The following GUCY1A2 variants were observed in gnomAD, a reference collection of about 807,000 sequenced individuals.
The protein encoded by GUCY1A2 is guanylate cyclase soluble subunit alpha-2.
Under a neutral mutation model 63.5 loss-of-function variants are expected in GUCY1A2, and 27 were observed. The ratio of observed to expected loss-of-function variants is 0.43; its 90% CI spans 0.31 to 0.59. GUCY1A2 has a LOEUF of 0.59. GUCY1A2 is among the 20% of genes least tolerant of loss of function. The pLI is 0.11. For missense variants in GUCY1A2, 768 were observed against 913.3 expected, an observed-to-expected ratio of 0.84 and a Z score of 2.05; for synonymous variants, 364 against 343.5, an observed-to-expected ratio of 1.06 and a Z score of -0.66.
chr11:106,723,787 C>T (rs1466838040), intron 6 of GUCY1A2, among the ~76,000 whole-genome samples: 3 of 151,964 alleles, frequency 2.0e-5, no homozygotes, highest in South Asian at 4.2e-4. Flanking sequence ...CATGCTACTG[C>T]ACTTCCAGCC....
intron 7 of GUCY1A2, among the ~76,000 whole-genome samples, chr11:106,705,588 C>T (rs969961324): frequency 5.3e-5 from 8 of 152,082 alleles, no homozygotes; most frequent in Admixed American, 2.6e-4. Flanking sequence ...AGGCAGGGCG[C>T]AGTGGCTCAG....
intron 3 of GUCY1A2, among the ~76,000 whole-genome samples, chr11:106,956,962 G>C (rs1860993405): frequency 6.6e-6 from 1 of 152,128 alleles, no homozygotes. Flanking sequence ...TCTGAATTCT[G>C]TCCCCGAGCC....
rs71470827 is a variant in GUCY1A2 at position 106,698,119 on chromosome 11, A to ATTTTTTTTTTTTTTTTTTTTTTTTT, written c.1992-10364_1992-10363insAAAAAAAAAAAAAAAAAAAAAAAAA. Among the ~76,000 whole-genome samples, 154 of 100,448 alleles carry ATTTTTTTTTTTTTTTTTTTTTTTTT rather than the reference A, an allele frequency of 1.5e-3. 15 individuals carry two copies. The highest frequency in any genetic ancestry group is 1.9e-3 in the African/African-American group (42 of 21,788). 65.9% of individuals were successfully genotyped at this position (100,448 alleles called of 152,430 possible). ...TTTACAGCTTTCACTGAATGTTAGAATTTTTTTTTTTTTTTTTTTAGACAG... is the reference window on the plus strand; with the variant it reads ...TTTACAGCTTTCACTGAATGTTAGAATTTTTTTTTTTTTTTTTTTTTTTTTTTTTTTTTTTTTTTTTTTTAGACAG... On this transcript the variant is annotated intron_variant, in intron 7 of 7. Transcript: ENST00000526355.
intron 4 of GUCY1A2, among the ~76,000 whole-genome samples, chr11:106,857,619 C>A (rs1238043967): frequency 2.6e-5 from 4 of 152,142 alleles, no homozygotes; most frequent in Non-Finnish European, 4.4e-5. Flanking sequence ...TTTTCGAGAA[C>A]GTACAGTCAG....
intron 6 of GUCY1A2, among the ~76,000 whole-genome samples, chr11:106,769,992 T>G (rs1864228407): frequency 6.6e-6 from 1 of 152,054 alleles, no homozygotes; most frequent in Non-Finnish European, 1.5e-5. Context: ...GTTTCACATC[T>G]GCATGTTCAA....
At chr11:106,943,656 T>C (rs1171551396) in intron 3 of GUCY1A2, among the ~76,000 whole-genome samples, 4 of 152,314 alleles carry the variant, frequency 2.6e-5, no homozygotes, top group South Asian at 2.1e-4. Flanking sequence ...AGAATAAGCA[T>C]TGTTTCATAG....
At position 106,680,786 on chromosome 11, in the gene GUCY1A2, A is replaced by G. The variant is rs1862419747; in HGVS notation, c.*6763T>C. The G allele has an allele frequency of 4.8e-6, 1 of 207,904 alleles. No homozygotes were observed. The highest frequency in any genetic ancestry group is 1.9e-4 in the South Asian group (1 of 5,314). 12.9% of individuals were successfully genotyped at this position (207,904 alleles called of 1,614,324 possible). ...AGTAATAGAAAGGTAAAGACAAAATATCGAACACACCCACCATTCAAATGG... is the reference window on the plus strand; with the variant it reads ...AGTAATAGAAAGGTAAAGACAAAATGTCGAACACACCCACCATTCAAATGG... On this transcript the variant is annotated 3_prime_UTR_variant, in exon 8 of 8. Coordinates refer to ENST00000526355, the MANE Select transcript of GUCY1A2 (RefSeq NM_000855.3).
intron 4 of GUCY1A2, among the ~76,000 whole-genome samples, chr11:106,931,711 T>C (rs969584321): frequency 2.0e-5 from 3 of 152,134 alleles, no homozygotes; most frequent in Non-Finnish European, 4.4e-5. Context: ...AAAAACATGA[T>C]GGCAAACCAA....
intron 6 of GUCY1A2, among the ~76,000 whole-genome samples, chr11:106,763,922 T>C (rs545335034): frequency 6.6e-6 from 1 of 152,242 alleles, no homozygotes; most frequent in East Asian, 1.9e-4. Context: ...GAAGATAATA[T>C]GTCCAAAAAA....
chr11:106,749,476 T>C (rs6588924), intron 6 of GUCY1A2, among the ~76,000 whole-genome samples: 20,353 of 151,998 alleles, frequency 0.13, 1,969 homozygotes, highest in African/African-American at 0.27. Context: ...AGTTCAGCCA[T>C]AGCTACTGGA....
intron 6 of GUCY1A2, among the ~76,000 whole-genome samples, chr11:106,754,580 C>T (rs1863939595): frequency 1.3e-5 from 2 of 152,042 alleles, no homozygotes; most frequent in South Asian, 2.1e-4. Flanking sequence ...TGTTGAATTT[C>T]GTCGACGGTC....
chr11:106,959,925 G>A (rs1434946891), intron 3 of GUCY1A2, among the ~76,000 whole-genome samples: 2 of 152,226 alleles, frequency 1.3e-5, no homozygotes, highest in African/African-American at 4.8e-5. Context: ...AGTTTGCCTG[G>A]TGGGATCACT....
chr11:106,737,083 T>C (rs537216657), intron 6 of GUCY1A2, among the ~76,000 whole-genome samples: 3 of 152,200 alleles, frequency 2.0e-5, no homozygotes, highest in Non-Finnish European at 4.4e-5. Context: ...CTTAGCACTT[T>C]GGTAACTCAA....
At chr11:106,925,941 G>A (rs1459640476) in intron 4 of GUCY1A2, among the ~76,000 whole-genome samples, 1 of 152,200 alleles carries the variant, frequency 6.6e-6, no homozygotes, top group Admixed American at 6.5e-5. Context: ...AGCAATCTCT[G>A]ATTAGGGTAA....
chr11:106,830,608 A>G (rs1859037331), intron 4 of GUCY1A2, among the ~76,000 whole-genome samples: 1 of 152,176 alleles, frequency 6.6e-6, no homozygotes, highest in Non-Finnish European at 1.5e-5. Context: ...CCTGTGCTGG[A>G]TGCTTCCTGC....
chr11:106,927,601 GTC>G (rs1860544151), intron 4 of GUCY1A2, among the ~76,000 whole-genome samples: 6 of 150,710 alleles, frequency 4.0e-5, no homozygotes, highest in Non-Finnish European at 7.4e-5. Context: ...GTCTCGCTCT[GTC>G]ACCCAGGCTG....
chr11:106,708,386 G>T, intron 7 of GUCY1A2, 126 bp downstream of exon 7: 1 of 683,524 alleles, frequency 1.5e-6, no homozygotes, highest in Non-Finnish European at 2.4e-6. Context: ...TTTGGGTTTG[G>T]GCAGTTCTAC....
At chr11:106,973,228 G>T (rs954142635) in intron 3 of GUCY1A2, among the ~76,000 whole-genome samples, 8 of 152,006 alleles carry the variant, frequency 5.3e-5, no homozygotes, top group Admixed American at 1.3e-4. Flanking sequence ...CAGCCTTTTT[G>T]CAGGTTTTGT....
chr11:106,967,413 T>C (rs1363563550), intron 3 of GUCY1A2, among the ~76,000 whole-genome samples: 2 of 152,150 alleles, frequency 1.3e-5, no homozygotes, highest in Non-Finnish European at 1.5e-5. Context: ...AATCTAGCAG[T>C]AACCAGGCAT....
Sources: allele counts gnomAD v4.1 joint callset (sites outside exome capture counted in the v4.1 genomes callset), GRCh38; gene constraint gnomAD v4.1.1; transcripts MANE v1.5; gene names NCBI Gene and HGNC (gene_info 2026-07-23, HGNC 2026-07-21).